Variants in LRBA observed in about 807,000 individuals in gnomAD.
LRBA encodes lipopolysaccharide-responsive and beige-like anchor protein.
A neutral mutation model predicts 330.0 loss-of-function variants in LRBA; 176 were observed. The observed-to-expected ratio is 0.53, with a 90% CI of 0.47 to 0.60. The LOEUF (loss-of-function observed/expected upper bound fraction) is 0.60, where lower values mean the gene tolerates loss of function less well. Among genes scored for constraint, LRBA ranks in the 20% least tolerant of loss-of-function variants. The pLI, the probability that LRBA is intolerant of heterozygous loss-of-function variation, is 0.00. For missense variants in LRBA, 3,259 were observed against 3,444.8 expected (o/e 0.95, Z 1.35); for synonymous variants, 1,230 against 1,193.0 (o/e 1.03, Z -0.64).
chr4:150,626,833 A>T (rs554293443), intron 37 of LRBA, among the ~76,000 whole-genome samples: 1 of 152,278 alleles, frequency 6.6e-6, no homozygotes, highest in South Asian at 2.1e-4. Flanking sequence ...CTTTAATTAA[A>T]GCTATATAAC....
rs528131647 is a variant in LRBA, at chr4:150,658,229, T to A, written c.5921+25322A>T. Among the ~76,000 whole-genome samples the A allele has an allele frequency of 2.6e-5, 4 of 152,112 alleles. No homozygotes were observed. The South Asian group carries it at 6.2e-4, about 24-fold the overall frequency. On this transcript the variant is annotated intron_variant, in intron 37 of 56. Coordinates refer to ENST00000651943, the MANE Select transcript of LRBA (RefSeq NM_001364905.1). ...TCTTTTGATACTGATCAGAGACCTA[T>A]CTTGACCTTATTCTGGAAGAGTAAT...
At chr4:150,494,225 T>C (rs766624045) in intron 40 of LRBA, among the ~76,000 whole-genome samples, 2 of 152,176 alleles carry the variant, frequency 1.3e-5, no homozygotes, top group African/African-American at 2.4e-5. Flanking sequence ...ATATACCACA[T>C]TGCCACATTT....
intron 34 of LRBA, among the ~76,000 whole-genome samples, chr4:150,762,790 C>T (rs111356764): frequency 3.9e-4 from 60 of 151,960 alleles, no homozygotes; most frequent in African/African-American, 1.4e-3. Context: ...TTTCATAAAA[C>T]CCAAATCAAA....
At chr4:150,880,445 C>A (rs561521832) in intron 17 of LRBA, among the ~76,000 whole-genome samples, 1 of 150,602 alleles carries the variant, frequency 6.6e-6, no homozygotes, top group Non-Finnish European at 1.5e-5. Flanking sequence ...GCTTCAGATG[C>A]AGAGGCAGAG....
chr4:150,756,991 G>A (rs1473180928), intron 35 of LRBA, among the ~76,000 whole-genome samples: 1 of 151,996 alleles, frequency 6.6e-6, no homozygotes, highest in East Asian at 1.9e-4. Context: ...TTAGTATTCA[G>A]GAATAACAAT....
At chr4:150,667,883 T>C (rs1413253708) in intron 37 of LRBA, among the ~76,000 whole-genome samples, 1 of 152,140 alleles carries the variant, frequency 6.6e-6, no homozygotes, top group Admixed American at 6.5e-5. Flanking sequence ...TATAACAACC[T>C]GAATAGACTA....
intron 48 of LRBA, among the ~76,000 whole-genome samples, chr4:150,336,041 A>G (rs759674525): frequency 3.3e-5 from 5 of 152,228 alleles, no homozygotes; most frequent in Non-Finnish European, 7.3e-5. Context: ...ATCCATTAAC[A>G]TAATAGCAAG....
At chr4:150,492,288 A>G (rs1759059064) in intron 40 of LRBA, among the ~76,000 whole-genome samples, 1 of 152,156 alleles carries the variant, frequency 6.6e-6, no homozygotes. Context: ...TAGAATGGGT[A>G]TAACTCTAAG....
At chr4:150,738,361 C>G (rs1243343873) in intron 35 of LRBA, among the ~76,000 whole-genome samples, 1 of 152,054 alleles carries the variant, frequency 6.6e-6, no homozygotes, top group African/African-American at 2.4e-5. Flanking sequence ...GTTTAATTCA[C>G]AGGTCCCCAA....
intron 30 of LRBA, among the ~76,000 whole-genome samples, chr4:150,818,637 T>C (rs1445103155): frequency 2.6e-5 from 4 of 151,952 alleles, no homozygotes; most frequent in Admixed American, 6.6e-5. Flanking sequence ...AATTTTTGTA[T>C]TTCCTACTGG....
At chr4:150,489,604 T>TAATATATTATATAAG (rs1758608294) in intron 41 of LRBA, among the ~76,000 whole-genome samples, 8 of 66,004 alleles carry the variant, frequency 1.2e-4, no homozygotes, top group East Asian at 3.7e-4. Flanking sequence ...TAAGAATATA[T>TAATATATTATATAAG]AATATATAAT....
chr4:150,999,240 C>T (rs1172431459), intron 2 of LRBA, among the ~76,000 whole-genome samples: 3 of 151,960 alleles, frequency 2.0e-5, no homozygotes, highest in Admixed American at 1.3e-4. Flanking sequence ...AATTTTATTT[C>T]CTTTTTAGAA....
rs142159252 is a variant in LRBA, at chr4:151,002,548, A to G, written c.216+11879T>C. 1.1e-3 allele frequency among the ~76,000 whole-genome samples: 162 copies of G among 148,560 alleles called. 1 individual carries two copies. The highest frequency in any genetic ancestry group is 5.9e-3 in the East Asian group (29 of 4,926). ...CCATCACACTCCAGCCTGGGCAACA[A>G]GAGTGAAACTCCATCTCTCAGAAAA... On this transcript the variant is annotated intron_variant, in intron 2 of 56. Transcript: ENST00000651943.
intron 37 of LRBA, among the ~76,000 whole-genome samples, chr4:150,665,855 A>G (rs761342169): frequency 6.6e-6 from 1 of 152,204 alleles, no homozygotes. Context: ...AACATCTAAG[A>G]ACTATATGAG....
intron 44 of LRBA, among the ~76,000 whole-genome samples, chr4:150,458,897 TC>T (rs1297662175): frequency 6.6e-6 from 1 of 151,950 alleles, no homozygotes; most frequent in Non-Finnish European, 1.5e-5. Context: ...TTAGAGGTTG[TC>T]TTTAAATGTT....
chr4:150,267,434 A>C (rs1349400425), intron 56 of LRBA, among the ~76,000 whole-genome samples: 1 of 83,490 alleles, frequency 1.2e-5, no homozygotes, highest in Non-Finnish European at 3.0e-5. Flanking sequence ...AGTCAAAAAA[A>C]ACAAACAACA....
intron 33 of LRBA, among the ~76,000 whole-genome samples, chr4:150,802,387 G>A (rs1741790597): frequency 6.7e-6 from 1 of 150,270 alleles, no homozygotes; most frequent in Non-Finnish European, 1.5e-5. Flanking sequence ...GCATAGTAAA[G>A]AATAGCTGAT....
intron 37 of LRBA, among the ~76,000 whole-genome samples, chr4:150,678,538 T>G (rs200301697): frequency 2.6e-5 from 4 of 152,190 alleles, no homozygotes; most frequent in African/African-American, 9.7e-5. Context: ...CACTAAGTCA[T>G]GCAAAGACTT....
At chr4:150,409,097 A>T (rs1454125777) in intron 47 of LRBA, among the ~76,000 whole-genome samples, 1 of 152,052 alleles carries the variant, frequency 6.6e-6, no homozygotes, top group African/African-American at 2.4e-5. Context: ...GAGTAGGGTG[A>T]GTCCTTAATC....
Sources: allele counts gnomAD v4.1 joint callset (sites outside exome capture counted in the v4.1 genomes callset), GRCh38; gene constraint gnomAD v4.1.1; transcripts MANE v1.5; gene names NCBI Gene and HGNC (gene_info 2026-07-23, HGNC 2026-07-21).